PDE4B: variants seen among roughly 807,000 people sequenced by gnomAD.
The protein encoded by PDE4B is phosphodiesterase 4B, also known as 3',5'-cyclic-AMP phosphodiesterase 4B.
A neutral mutation model predicts 82.2 loss-of-function variants in PDE4B; 20 were observed. That is an observed-to-expected ratio of 0.24 (90% CI 0.17 to 0.35). The LOEUF is 0.35. PDE4B is among the 10% of genes least tolerant of loss of function. The pLI, the probability that PDE4B is intolerant of heterozygous loss-of-function variation, is 1.00. For missense variants in PDE4B, 655 were observed against 907.2 expected (o/e 0.72, Z 3.57); for synonymous variants, 320 against 318.9 (o/e 1.00, Z -0.04).
chr1:66,223,874 T>C (rs1040762014), intron 3 of PDE4B, among the ~76,000 whole-genome samples: 4 of 152,214 alleles, frequency 2.6e-5, no homozygotes, highest in Non-Finnish European at 5.9e-5. Context: ...TCGAATTCAC[T>C]GAATATTGCA....
chr1:66,132,533 C>T (rs1026989093), intron 3 of PDE4B, among the ~76,000 whole-genome samples: 3 of 152,120 alleles, frequency 2.0e-5, no homozygotes, highest in African/African-American at 7.2e-5. Flanking sequence ...TCTCTGATCT[C>T]ATTTGTTGTT....
chr1:66,303,724 A>T (rs1658070227), intron 7 of PDE4B, among the ~76,000 whole-genome samples: 1 of 152,108 alleles, frequency 6.6e-6, no homozygotes, highest in Non-Finnish European at 1.5e-5. Context: ...TGTGACAAGG[A>T]TGGAGGTTAG....
chr1:66,008,954 C>T, intron 3 of PDE4B, among the ~76,000 whole-genome samples: 1 of 152,090 alleles, frequency 6.6e-6, no homozygotes. Context: ...ATCTAAATAA[C>T]ATCCGTATGC....
At chr1:66,195,662 A>G (rs1245822163) in intron 3 of PDE4B, among the ~76,000 whole-genome samples, 1 of 152,136 alleles carries the variant, frequency 6.6e-6, no homozygotes, top group East Asian at 1.9e-4. Context: ...TTTCTGTAAA[A>G]TGGAAAATAT....
At chr1:66,063,238 A>G (rs1655674333) in intron 3 of PDE4B, among the ~76,000 whole-genome samples, 2 of 152,036 alleles carry the variant, frequency 1.3e-5, no homozygotes, top group African/African-American at 4.8e-5. Flanking sequence ...CTCAGTTGGA[A>G]TGACAAAAGG....
chr1:66,064,628 A>G (rs1354284661), intron 3 of PDE4B, among the ~76,000 whole-genome samples: 1 of 151,896 alleles, frequency 6.6e-6, no homozygotes, highest in African/African-American at 2.4e-5. Flanking sequence ...TCTTTTCCTC[A>G]GGGCTGTTTT....
intron 7 of PDE4B, among the ~76,000 whole-genome samples, chr1:66,296,738 G>T (rs139401650): frequency 6.6e-6 from 1 of 152,248 alleles, no homozygotes; most frequent in African/African-American, 2.4e-5. Context: ...TTGAATCAAT[G>T]AATATTTTGT....
intron 3 of PDE4B, among the ~76,000 whole-genome samples, chr1:66,044,528 A>G (rs1324864162): frequency 6.6e-6 from 1 of 151,868 alleles, no homozygotes; most frequent in East Asian, 1.9e-4. Flanking sequence ...ATCACAAGCG[A>G]TATATATTTT....
intron 3 of PDE4B, among the ~76,000 whole-genome samples, chr1:66,203,845 A>G (rs1055749235): frequency 7.9e-5 from 12 of 151,948 alleles, no homozygotes; most frequent in African/African-American, 2.7e-4. Flanking sequence ...TCTTCTCTCA[A>G]CTTGTCAAGT....
intron 1 of PDE4B, among the ~76,000 whole-genome samples, chr1:65,910,530 T>C (rs1647078030): frequency 6.6e-6 from 1 of 152,162 alleles, no homozygotes; most frequent in African/African-American, 2.4e-5. Flanking sequence ...AATAGATTGT[T>C]CTCTTAAAGA....
intron 3 of PDE4B, among the ~76,000 whole-genome samples, chr1:66,164,535 CAAAAAAAAAAAAAA>C (rs10718019): frequency 1.0e-4 from 5 of 48,556 alleles, no homozygotes; most frequent in African/African-American, 4.0e-4. Flanking sequence ...GACTCCGTCT[CAAAAAAAAAAAAAA>C]AAAAAAAAAA....
At chr1:66,321,415 C>T (rs1330001947) in intron 7 of PDE4B, among the ~76,000 whole-genome samples, 1 of 152,166 alleles carries the variant, frequency 6.6e-6, no homozygotes, top group Non-Finnish European at 1.5e-5. Context: ...TCATCTCCAG[C>T]ATAGACTGCT....
chr1:66,128,117 T>G (rs1421355240), intron 3 of PDE4B, among the ~76,000 whole-genome samples: 1 of 152,206 alleles, frequency 6.6e-6, no homozygotes, highest in Non-Finnish European at 1.5e-5. Flanking sequence ...CATAGGTAGA[T>G]TCTGGGTTTA....
At chr1:66,094,934 C>T (rs572874070) in intron 3 of PDE4B, among the ~76,000 whole-genome samples, 1 of 151,984 alleles carries the variant, frequency 6.6e-6, no homozygotes, top group African/African-American at 2.4e-5. Flanking sequence ...TGAACCTGTG[C>T]AGTCTGACTC....
chr1:66,204,463 C>A (rs7541628), intron 3 of PDE4B, among the ~76,000 whole-genome samples: 6,022 of 152,324 alleles, frequency 0.04, 233 homozygotes, highest in African/African-American at 0.1. Flanking sequence ...CTACAGAGGC[C>A]GGCAGGCCTC....
intron 3 of PDE4B, among the ~76,000 whole-genome samples, chr1:66,021,541 G>T (rs57202366): frequency 1.3e-5 from 2 of 151,992 alleles, no homozygotes; most frequent in African/African-American, 4.8e-5. Flanking sequence ...ATATCGCTAG[G>T]CAGTTTTCCC....
Position 66,174,116 on chromosome 1 carries a change from T to A in PDE4B, c.282-73344T>A, listed in dbSNP as rs1338202531. ...TTTTTTAAGTTACTTTACCTACAAA[T>A]TTTTTCCTGCTGAACTACAGCTAAT... On this transcript the variant is annotated intron_variant, in intron 3 of 16. Transcript: ENST00000341517. Among the ~76,000 whole-genome samples the A allele has an allele frequency of 2.0e-5, 3 of 152,100 alleles. No homozygotes were observed. In the East Asian group the frequency reaches 5.8e-4, roughly 29 times the overall value.
chr1:66,129,430 G>A (rs1312801191), intron 3 of PDE4B, among the ~76,000 whole-genome samples: 3 of 151,924 alleles, frequency 2.0e-5, no homozygotes, highest in Non-Finnish European at 4.4e-5. Flanking sequence ...GGCCGAGGCG[G>A]GCGGATCACG....
At chr1:66,152,456 T>G (rs1646415718) in intron 3 of PDE4B, 2 of 269,224 alleles carry the variant, frequency 7.4e-6, no homozygotes, top group Non-Finnish European at 1.7e-5. Flanking sequence ...CCACCACCTA[T>G]GCAAGGTCTG....
Sources: gnomAD v4.1 joint callset for allele counts (sites outside exome capture counted in the v4.1 genomes callset) on GRCh38, gnomAD v4.1.1 for gene constraint, MANE v1.5 for transcripts, NCBI Gene and HGNC (gene_info 2026-07-23, HGNC 2026-07-21) for gene names.